CACHD1: variants seen among roughly 807,000 people sequenced by gnomAD.
The protein encoded by CACHD1 is cache domain containing 1, also known as VWFA and cache domain-containing protein 1.
A neutral mutation model predicts 138.7 loss-of-function variants in CACHD1; 71 were observed. The ratio of observed to expected loss-of-function variants is 0.51; its 90% CI spans 0.42 to 0.62. The LOEUF is 0.62. Ranked by LOEUF, CACHD1 falls within the 20% of genes least tolerant of loss-of-function variation. The probability of loss-of-function intolerance (pLI) is 0.00; values close to 1 mark genes in which losing one functional copy is unlikely to be tolerated. For synonymous variants in CACHD1, 578 were observed against 591.5 expected (o/e 0.98, Z 0.33); for missense variants, 1,389 against 1,625.3 (o/e 0.85, Z 2.50).
rs113347119 is a variant in CACHD1 at position 64,596,540 on chromosome 1, G to A, written c.411-6266G>A. Among the ~76,000 whole-genome samples, 24 of 152,138 alleles carry A rather than the reference G, an allele frequency of 1.6e-4. 1 individual carries two copies. Among genetic ancestry groups the A allele is most frequent in the African/African-American group, 5.1e-4 (21 of 41,508 alleles). On this transcript the variant is annotated intron_variant, in intron 3 of 26. Transcript: ENST00000651257. ...CAGCTACTGGTGAAGGGTTTTTGCC[G>A]CCTTTGTTTTCCAGAAAAACGTGTG... is the stretch of plus-strand genomic sequence containing the variant.
chr1:64,479,003 A>G (rs1227499589), intron 1 of CACHD1, among the ~76,000 whole-genome samples: 9 of 152,086 alleles, frequency 5.9e-5, no homozygotes, highest in Non-Finnish European at 1.2e-4. Flanking sequence ...AAAACACACT[A>G]TGTGGGCCAA....
At chr1:64,622,393 A>G (rs185419737) in intron 4 of CACHD1, among the ~76,000 whole-genome samples, 1 of 152,362 alleles carries the variant, frequency 6.6e-6, no homozygotes, top group Admixed American at 6.5e-5. Context: ...TTAGCCGTTC[A>G]GCAGTTTGTT....
chr1:64,575,746 CCCTT>C (rs1412457220), intron 2 of CACHD1, among the ~76,000 whole-genome samples: 2 of 152,180 alleles, frequency 1.3e-5, no homozygotes, highest in African/African-American at 4.8e-5. Flanking sequence ...CTCCTTCCGG[CCCTT>C]CCTTTTAGGA....
chr1:64,602,406 T>C (rs931965659), intron 3 of CACHD1, among the ~76,000 whole-genome samples: 1 of 152,092 alleles, frequency 6.6e-6, no homozygotes, highest in Non-Finnish European at 1.5e-5. Context: ...TACTTGGTCA[T>C]TGGTTTTCAA....
intron 1 of CACHD1, among the ~76,000 whole-genome samples, chr1:64,477,634 A>ATTTTT (rs1038287180): frequency 1.2e-4 from 16 of 131,806 alleles, no homozygotes; most frequent in East Asian, 4.4e-4. Context: ...ATTTTATTTT[A>ATTTTT]TTTTTTTTTT....
intron 4 of CACHD1, among the ~76,000 whole-genome samples, chr1:64,619,387 G>T (rs1461195069): frequency 6.6e-6 from 1 of 152,188 alleles, no homozygotes; most frequent in Non-Finnish European, 1.5e-5. Flanking sequence ...AATTGTGGGG[G>T]TTTGCTTAGA....
At chr1:64,623,776 G>A (rs1484778015) in intron 4 of CACHD1, among the ~76,000 whole-genome samples, 1 of 152,212 alleles carries the variant, frequency 6.6e-6, no homozygotes, top group Admixed American at 6.5e-5. Context: ...ACATGTGTCT[G>A]TCTGAGGTAG....
chr1:64,675,449 T>G lies in CACHD1; in HGVS notation c.2776T>G (p.Leu926Val), dbSNP rs1419714794. ...VHGSHCSKYRLARIPGTNAFV... is the reference protein window; with the variant it reads ...VHGSHCSKYRVARIPGTNAFV... ...TGGCAGCCACTGTTCCAAATACAGA[T>G]TAGCAAGGATCCCAGGAACCAACGC... Residue 926 changes from leucine to valine, a missense_variant, in exon 20 of 27, where the codon TTA becomes GTA. Around this residue, in one of 5 missense-constraint regions of CACHD1, gnomAD observed 50 missense variants for 108.2 expected, o/e 0.46. Coordinates refer to ENST00000651257, the MANE Select transcript of CACHD1 (RefSeq NM_020925.4). The G allele has an allele frequency of 6.2e-7, 1 of 1,613,584 alleles. No individual in the cohort carries two copies. Among genetic ancestry groups the G allele is most frequent in the Non-Finnish European group, 8.5e-7 (1 of 1,179,554 alleles).
At chr1:64,501,585 ATCT>A (rs1646340427) in intron 1 of CACHD1, among the ~76,000 whole-genome samples, 2 of 152,364 alleles carry the variant, frequency 1.3e-5, no homozygotes, top group South Asian at 2.1e-4. Context: ...TAGAAATTAC[ATCT>A]TCTTCTGGCA....
intron 7 of CACHD1, among the ~76,000 whole-genome samples, chr1:64,637,288 G>C (rs533427914): frequency 1.3e-5 from 2 of 152,198 alleles, no homozygotes; most frequent in Non-Finnish European, 2.9e-5. Context: ...GTGAGCTGGG[G>C]GAAGGTAATG....
Position 64,470,963 on chromosome 1 carries a change from C to G in CACHD1, c.198+21C>G. ...TGCAGGTAAGTGGCCCCCGAGCTGG[C>G]CAGACATCCCGCCTTTCTCCTTTGC... On this transcript the variant is annotated intron_variant, in intron 1 of 26. Transcript: ENST00000651257. This position sits in a 1 kb window ranked among gnomAD's most constrained non-coding sequence, Gnocchi z 5.2. The G allele has an allele frequency of 6.4e-7, 1 of 1,571,630 alleles. No individual in the cohort carries two copies.
intron 1 of CACHD1, among the ~76,000 whole-genome samples, chr1:64,532,081 G>A (rs138189051): frequency 2.6e-5 from 4 of 152,312 alleles, no homozygotes; most frequent in African/African-American, 9.6e-5. Context: ...GGCCCCCAAT[G>A]CATAAAGATC....
chr1:64,541,950 A>G (rs1318080389), intron 1 of CACHD1, among the ~76,000 whole-genome samples: 2 of 150,654 alleles, frequency 1.3e-5, no homozygotes, highest in South Asian at 2.1e-4. Flanking sequence ...TAAAGGATTA[A>G]CTATAGTAAA....
At chr1:64,645,372 G>T (rs1312084803) in intron 8 of CACHD1, among the ~76,000 whole-genome samples, 2 of 152,064 alleles carry the variant, frequency 1.3e-5, no homozygotes, top group Non-Finnish European at 2.9e-5. Context: ...AATGATTGGG[G>T]TGATTCATAC....
chr1:64,477,635 T>TTATTA (rs1491265663), intron 1 of CACHD1, among the ~76,000 whole-genome samples: 43 of 132,682 alleles, frequency 3.2e-4, no homozygotes, highest in African/African-American at 1.2e-3. Context: ...TTTTATTTTA[T>TTATTA]TTTTTTTTTT....
At chr1:64,471,004 A>C in intron 1 of CACHD1, 62 bp downstream of exon 1, 1 of 1,468,698 alleles carries the variant, frequency 6.8e-7, no homozygotes, top group Non-Finnish European at 9.2e-7. Flanking sequence ...CTCCCATCCC[A>C]CTCCCGGTAC....
At chr1:64,614,848 G>A (rs972710588) in intron 4 of CACHD1, among the ~76,000 whole-genome samples, 4 of 151,964 alleles carry the variant, frequency 2.6e-5, no homozygotes, top group Admixed American at 6.6e-5. Flanking sequence ...AATAATTAAC[G>A]TAGAGACCCC....
At chr1:64,560,041 G>A (rs930034646) in intron 2 of CACHD1, among the ~76,000 whole-genome samples, 6 of 152,102 alleles carry the variant, frequency 3.9e-5, no homozygotes, top group Admixed American at 2.0e-4. Context: ...AAGAAGAAGA[G>A]CAATAGAGCC....
chr1:64,680,837 C>T (rs1480568180), intron 24 of CACHD1, among the ~76,000 whole-genome samples: 1 of 152,156 alleles, frequency 6.6e-6, no homozygotes. Context: ...CCATGTGCTT[C>T]CCTTGGTGAG....
Sources: gnomAD v4.1 joint callset for allele counts (sites outside exome capture counted in the v4.1 genomes callset) on GRCh38, gnomAD v4.1.1 for gene constraint, gnomAD v4.1.1 regional missense constraint, Gnocchi (gnomAD v3.1) non-coding constraint, MANE v1.5 for transcripts, NCBI Gene and HGNC (gene_info 2026-07-23, HGNC 2026-07-21) for gene names.